The following TOX variants were observed in gnomAD, a reference collection of about 807,000 sequenced individuals.
The protein encoded by TOX is thymocyte selection-associated high mobility group box protein TOX.
A neutral mutation model predicts 53.7 loss-of-function variants in TOX; 11 were observed. That is an observed-to-expected ratio of 0.20 (90% CI 0.13 to 0.34). The LOEUF (loss-of-function observed/expected upper bound fraction) is 0.34, where lower values mean the gene tolerates loss of function less well. TOX is among the 10% of genes least tolerant of loss of function. TOX has a pLI of 1.00. For missense variants in TOX, 570 were observed against 664.6 expected, an observed-to-expected ratio of 0.86 and a Z score of 1.56; for synonymous variants, 225 against 245.3, an observed-to-expected ratio of 0.92 and a Z score of 0.77.
chr8:58,956,980 A>C (rs1275153740), intron 2 of TOX, among the ~76,000 whole-genome samples: 1 of 152,210 alleles, frequency 6.6e-6, no homozygotes, highest in African/African-American at 2.4e-5. Context: ...TTCATCCTAC[A>C]TATCACTACT....
At chr8:59,105,895 G>A (rs1032473768) in intron 1 of TOX, among the ~76,000 whole-genome samples, 2 of 151,782 alleles carry the variant, frequency 1.3e-5, no homozygotes, top group African/African-American at 4.8e-5. Context: ...ATTAGTCTGG[G>A]GTATTGTAGC....
chr8:58,808,355 C>T, intron 7 of TOX, 86 bp from the exon 8 acceptor site: 3 of 1,472,620 alleles, frequency 2.0e-6, no homozygotes, highest in African/African-American at 1.4e-5. Context: ...TCTTTGCAGA[C>T]ACACTAGGCC....
intron 3 of TOX, among the ~76,000 whole-genome samples, chr8:58,904,885 T>C (rs566377843): frequency 1.3e-5 from 2 of 152,318 alleles, no homozygotes; most frequent in East Asian, 3.9e-4. Context: ...GCTCAGGGAA[T>C]GCATCTTGTT....
intron 1 of TOX, among the ~76,000 whole-genome samples, chr8:58,967,170 G>A (rs370307907): frequency 2.6e-5 from 4 of 152,018 alleles, no homozygotes; most frequent in South Asian, 2.1e-4. Flanking sequence ...CACCACACCC[G>A]GCCAAGTTAT....
chr8:58,851,375 A>G lies in TOX; in HGVS notation c.693+149T>C, dbSNP rs1810818818. On this transcript the variant is annotated intron_variant, in intron 4 of 8. Transcript: ENST00000361421. This position sits in a 1 kb window ranked among gnomAD's most constrained non-coding sequence, Gnocchi z 4.4. ...ATTGGACAAGCAGGTGGTTTAATCC[A>G]GTATGTTTGTAACCTCATGCTTCAT... 8 of 847,038 alleles carry G rather than the reference A, an allele frequency of 9.4e-6. No homozygotes were observed. Among genetic ancestry groups the G allele is most frequent in the Non-Finnish European group, 1.4e-5 (8 of 559,598 alleles). The allele number at this position is 847,038 out of a possible 1,614,324, so 52.5% of individuals were successfully genotyped here. A position where few individuals can be genotyped will look rare whatever the true frequency, so the allele number is the denominator to read the frequency against.
intron 1 of TOX, among the ~76,000 whole-genome samples, chr8:59,058,107 G>GA (rs1208541229): frequency 3.9e-5 from 6 of 152,146 alleles, no homozygotes; most frequent in African/African-American, 1.4e-4. Flanking sequence ...AAAGCTTAAA[G>GA]AAAAAAATGA....
At chr8:59,107,967 T>C (rs1586024304) in intron 1 of TOX, among the ~76,000 whole-genome samples, 4 of 152,274 alleles carry the variant, frequency 2.6e-5, no homozygotes, top group Middle Eastern at 3.4e-3. Flanking sequence ...CCCCAAAACA[T>C]TGCGTGTGCT....
chr8:59,034,127 G>A (rs949043573), intron 1 of TOX, among the ~76,000 whole-genome samples: 2 of 152,144 alleles, frequency 1.3e-5, no homozygotes, highest in Non-Finnish European at 2.9e-5. Flanking sequence ...CTGCAATATC[G>A]AGGAGCTCTT....
intron 1 of TOX, among the ~76,000 whole-genome samples, chr8:58,986,860 A>T (rs1813338821): frequency 6.6e-6 from 1 of 152,212 alleles, no homozygotes; most frequent in Non-Finnish European, 1.5e-5. Flanking sequence ...AAAAGGGCTG[A>T]ATAAGAAAAA....
intron 1 of TOX, among the ~76,000 whole-genome samples, chr8:59,055,582 G>A (rs909766846): frequency 6.6e-6 from 1 of 152,124 alleles, no homozygotes. Flanking sequence ...CACTACATAT[G>A]GGAAATTTAA....
chr8:58,924,438 C>A (rs1812121789), intron 3 of TOX, among the ~76,000 whole-genome samples: 1 of 152,206 alleles, frequency 6.6e-6, no homozygotes, highest in Non-Finnish European at 1.5e-5. Context: ...AACCCATAAC[C>A]AGATCTATTC....
rs1417183807 is a variant in TOX, at chr8:58,813,897, C to T, written c.1392+1441G>A. On this transcript the variant is annotated intron_variant, in intron 7 of 8. Coordinates refer to ENST00000361421, the MANE Select transcript of TOX (RefSeq NM_014729.3). ...TGAAAGAGTTAAGAGTCTACAAGAA[C>T]GACTGTGAATGAGATGCAGCAAGCC... is the stretch of plus-strand genomic sequence containing the variant. Among the ~76,000 whole-genome samples the T allele has an allele frequency of 3.3e-5, 5 of 152,110 alleles. 1 individual carries two copies. Among genetic ancestry groups the T allele is most frequent in the South Asian group, 4.2e-4 (2 of 4,818 alleles).
At chr8:58,880,490 G>A (rs1434050545) in intron 3 of TOX, among the ~76,000 whole-genome samples, 1 of 152,184 alleles carries the variant, frequency 6.6e-6, no homozygotes, top group Non-Finnish European at 1.5e-5. Flanking sequence ...TTCTACATCT[G>A]GAGGGAATAA....
chr8:58,949,374 G>A (rs1171866141), intron 2 of TOX, among the ~76,000 whole-genome samples: 3 of 152,106 alleles, frequency 2.0e-5, no homozygotes, highest in East Asian at 1.9e-4. Context: ...AGGATGTTTC[G>A]GATATTGCTG....
Position 58,826,910 on chromosome 8 carries a change from A to G in TOX, c.925-8T>C, listed in dbSNP as rs1188114064. On this transcript the variant is annotated splice_region_variant and splice_polypyrimidine_tract_variant and intron_variant, in intron 5 of 8. Coordinates refer to ENST00000361421, the MANE Select transcript of TOX (RefSeq NM_014729.3). ...GGTTTTCTTTTTATAGACCTGCAAC[A>G]ACAGCAAAGAGTCTTAAATTAGAAA... 2.5e-6 allele frequency: 4 copies of G among 1,608,800 alleles called. No individual in the cohort carries two copies. The highest frequency in any genetic ancestry group is 3.4e-6 in the Non-Finnish European group (4 of 1,178,018).
chr8:59,115,400 T>A (rs981921849), intron 1 of TOX, among the ~76,000 whole-genome samples: 2 of 152,186 alleles, frequency 1.3e-5, no homozygotes, highest in Admixed American at 1.3e-4. Context: ...ACTAAGAAAC[T>A]GAAAAGAACT....
chr8:59,035,504 A>G (rs1814442195), intron 1 of TOX, among the ~76,000 whole-genome samples: 1 of 152,204 alleles, frequency 6.6e-6, no homozygotes, highest in South Asian at 2.1e-4. Flanking sequence ...CTCCAAAGTA[A>G]CTGGGGACTA....
At chr8:59,035,894 T>C (rs1167876614) in intron 1 of TOX, among the ~76,000 whole-genome samples, 2 of 152,226 alleles carry the variant, frequency 1.3e-5, no homozygotes, top group Admixed American at 6.5e-5. Flanking sequence ...ATATGTGAAC[T>C]CATTTAAGCT....
At chr8:59,027,367 G>A (rs1314870776) in intron 1 of TOX, among the ~76,000 whole-genome samples, 2 of 151,966 alleles carry the variant, frequency 1.3e-5, no homozygotes, top group African/African-American at 4.8e-5. Context: ...TGTGATCTTC[G>A]AGATTTGCAG....
Sources: gnomAD v4.1 joint callset for allele counts (sites outside exome capture counted in the v4.1 genomes callset) on GRCh38, gnomAD v4.1.1 for gene constraint, Gnocchi (gnomAD v3.1) non-coding constraint, MANE v1.5 for transcripts, NCBI Gene and HGNC (gene_info 2026-07-23, HGNC 2026-07-21) for gene names.